CLTC: variants seen among roughly 807,000 people sequenced by gnomAD.
CLTC encodes clathrin heavy chain.
CLTC carries 16 observed loss-of-function variants against 195.8 expected under a neutral mutation model. The observed-to-expected ratio is 0.08, with a 90% confidence interval of 0.06 to 0.12. The LOEUF (loss-of-function observed/expected upper bound fraction) is 0.12, where lower values mean the gene tolerates loss of function less well. Among genes scored for constraint, CLTC ranks in the 10% least tolerant of loss-of-function variants. The pLI is 1.00. For synonymous variants in CLTC, 667 were observed against 689.4 expected, an observed-to-expected ratio of 0.97 and a Z score of 0.51; for missense variants, 796 against 2,027.0, an observed-to-expected ratio of 0.39 and a Z score of 11.66.
intron 1 of CLTC, among the ~76,000 whole-genome samples, chr17:59,640,961 A>G (rs1447410215): frequency 1.3e-5 from 2 of 151,552 alleles, no homozygotes; most frequent in Non-Finnish European, 2.9e-5. Context: ...TGTACTAAAA[A>G]TACAAAAATT....
intron 1 of CLTC, among the ~76,000 whole-genome samples, chr17:59,635,874 G>A (rs1440602011): frequency 6.6e-6 from 1 of 152,196 alleles, no homozygotes; most frequent in African/African-American, 2.4e-5. Context: ...TAAGGTTTGA[G>A]TATATAACAG....
In CLTC at chr17:59,682,016, C is replaced by G. The variant is rs544326527; in HGVS notation, c.3442+177C>G. On this transcript the variant is annotated intron_variant, in intron 21 of 31. Coordinates refer to ENST00000269122, the MANE Select transcript of CLTC (RefSeq NM_004859.4). This position sits in a 1 kb window ranked among gnomAD's most constrained non-coding sequence, Gnocchi z 6.8. ...TGAATTTGTAAGTTCACAAAACTTACAAGTGGGGAAGATGAATCTTCTGTT... is the reference window on the plus strand; with the variant it reads ...TGAATTTGTAAGTTCACAAAACTTAGAAGTGGGGAAGATGAATCTTCTGTT... Among the ~76,000 whole-genome samples, 36 of 152,266 alleles carry G rather than the reference C, an allele frequency of 2.4e-4. No individual in the cohort carries two copies. The highest frequency in any genetic ancestry group is 8.2e-4 in the African/African-American group (34 of 41,546).
intron 1 of CLTC, among the ~76,000 whole-genome samples, chr17:59,643,919 T>C (rs2032114716): frequency 6.6e-6 from 1 of 152,216 alleles, no homozygotes. Context: ...AACTGCTACA[T>C]GTTAAGGGGG....
chr17:59,654,402 T>A (rs548188924), intron 5 of CLTC, among the ~76,000 whole-genome samples: 6 of 152,136 alleles, frequency 3.9e-5, no homozygotes, highest in African/African-American at 1.4e-4. Context: ...GGTCTCGAAC[T>A]CCTGACCTCA....
At chr17:59,691,275 A>C (rs959699712) in intron 31 of CLTC, among the ~76,000 whole-genome samples, 1 of 152,214 alleles carries the variant, frequency 6.6e-6, no homozygotes, top group African/African-American at 2.4e-5. Flanking sequence ...TCATTTGAAC[A>C]ATCACTTTGA....
At position 59,694,473 on chromosome 17, in the gene CLTC, T is replaced by C. The variant is rs774895502; in HGVS notation, c.*621T>C. ...TATGCAGGTTTCCCCATTATGCATATAGAAAATGCTAGTATGTTTTGCTCA... is the reference window on the plus strand; with the variant it reads ...TATGCAGGTTTCCCCATTATGCATACAGAAAATGCTAGTATGTTTTGCTCA... On this transcript the variant is annotated 3_prime_UTR_variant, in exon 32 of 32. Transcript: ENST00000269122. The C allele has an allele frequency of 8.9e-6, 2 of 224,718 alleles. No homozygotes were observed. The highest frequency in any genetic ancestry group is 2.2e-5 in the African/African-American group (1 of 44,908). 13.9% of individuals were successfully genotyped at this position (224,718 alleles called of 1,614,324 possible).
chr17:59,691,323 CA>C (rs1414370800), intron 31 of CLTC, among the ~76,000 whole-genome samples: 2 of 152,046 alleles, frequency 1.3e-5, no homozygotes, highest in African/African-American at 2.4e-5. Context: ...GGTGAGGGAA[CA>C]TAAAAATATG....
Position 59,666,779 on chromosome 17 carries a change from A to T in CLTC, c.1948-18A>T. On this transcript the variant is annotated intron_variant, in intron 12 of 31. Coordinates refer to ENST00000269122, the MANE Select transcript of CLTC (RefSeq NM_004859.4). This position sits in a 1 kb window ranked among gnomAD's most constrained non-coding sequence, Gnocchi z 4.9. ...CATTATTTCATTTATTCATTCATTC[A>T]TTTATTTTGTCTTGTAGTGGTTAGT... 1 of 1,591,396 alleles carries T rather than the reference A, an allele frequency of 6.3e-7. No individual in the cohort carries two copies. Among genetic ancestry groups the T allele is most frequent in the Non-Finnish European group, 8.6e-7 (1 of 1,166,240 alleles).
Position 59,682,316 on chromosome 17 carries a change from A to G in CLTC, c.3488A>G (p.Lys1163Arg). 6.2e-7 allele frequency: 1 copy of G among 1,614,126 alleles called. No homozygotes were observed. Among genetic ancestry groups the G allele is most frequent in the Non-Finnish European group, 8.5e-7 (1 of 1,179,960 alleles). Residue 1163 changes from lysine (K) to arginine (R), a missense_variant, in exon 22 of 32, where the codon AAG becomes AGG. This residue lies in a region of CLTC where 50 missense variants were observed against 77.2 expected (regional missense o/e 0.65). Coordinates refer to ENST00000269122, the MANE Select transcript of CLTC (RefSeq NM_004859.4). This position sits in a 1 kb window ranked among gnomAD's most constrained non-coding sequence, Gnocchi z 6.8. ...AAGTACTTGCAGATGGCCCGTAAGAAGGCTCGAGAGTCCTATGTGGAGACA... is the reference window on the plus strand; with the variant it reads ...AAGTACTTGCAGATGGCCCGTAAGAGGGCTCGAGAGTCCTATGTGGAGACA... Reference protein sequence around the residue: ...LVKYLQMARKKARESYVETEL... With the variant: ...LVKYLQMARKRARESYVETEL...
At chr17:59,689,233 CAAATT>C (rs972684387) in intron 30 of CLTC, 1 of 152,124 alleles carries the variant, frequency 6.6e-6, no homozygotes, top group Non-Finnish European at 1.5e-5. Flanking sequence ...AGTTCCCTAA[CAAATT>C]AAGATGGATT....
At position 59,647,640 on chromosome 17, in the gene CLTC, T is replaced by C; in HGVS notation, c.493T>C (p.Leu165=). The change falls in exon 3 of 32, where the codon TTA becomes CTA. Residue 165 remains leucine (L), a synonymous_variant. Transcript: ENST00000269122. ...NYRTDAKQKW[L]LLTGISAQQN... Reference sequence around the variant, plus strand: ...CCGTACAGATGCAAAACAAAAGTGGTTACTTCTGACTGGTATATCTGCACA... The same window carrying C: ...CCGTACAGATGCAAAACAAAAGTGGCTACTTCTGACTGGTATATCTGCACA... 4.3e-6 allele frequency: 7 copies of C among 1,614,004 alleles called. No homozygotes were observed. Among genetic ancestry groups the C allele is most frequent in the Non-Finnish European group, 5.9e-6 (7 of 1,179,904 alleles).
At position 59,668,907 on chromosome 17, in the gene CLTC, C is replaced by T. The variant is rs1454289985; in HGVS notation, c.2259C>T (p.Cys753=). ...EVERICRESN[C]YDPERVKNFL... ...AAAGAATCTGTAGAGAAAGCAACTG[C>T]TACGATCCTGAGCGAGTCAAGAATT... The change falls in exon 14 of 32, where the codon TGC becomes TGT. Residue 753 remains cysteine, a synonymous_variant. Coordinates refer to ENST00000269122, the MANE Select transcript of CLTC (RefSeq NM_004859.4). The T allele has an allele frequency of 6.2e-7, 1 of 1,612,524 alleles. No homozygotes were observed. Among genetic ancestry groups the T allele is most frequent in the Non-Finnish European group, 8.5e-7 (1 of 1,179,484 alleles).
intron 1 of CLTC, among the ~76,000 whole-genome samples, chr17:59,638,549 C>T (rs2031937031): frequency 7.0e-6 from 1 of 143,764 alleles, no homozygotes; most frequent in Non-Finnish European, 1.5e-5. Context: ...AATTTTTCCA[C>T]CGGTTGGGGG....
Position 59,648,555 on chromosome 17 carries a change from G to A in CLTC, c.681+154G>A. On this transcript the variant is annotated intron_variant, in intron 4 of 31. Transcript: ENST00000269122. This position sits in a 1 kb window ranked among gnomAD's most constrained non-coding sequence, Gnocchi z 4.5. ...TTAATTTGTTCAAATTTTGCATCTA[G>A]TGATACTTGTCTAAAATGAATAATG... is the stretch of plus-strand genomic sequence containing the variant. 1.5e-6 allele frequency: 1 copy of A among 662,196 alleles called. No individual in the cohort carries two copies. The highest frequency in any genetic ancestry group is 2.6e-6 in the Non-Finnish European group (1 of 391,056). The allele number at this position is 662,196 out of a possible 1,614,324, so 41.0% of individuals were successfully genotyped here.
In CLTC at chr17:59,660,248, C is replaced by T; in HGVS notation, c.970-143C>T. 3 of 712,190 alleles carry T rather than the reference C, an allele frequency of 4.2e-6. No individual in the cohort carries two copies. The South Asian group carries it at 5.8e-5, about 14-fold the overall frequency. 44.1% of individuals were successfully genotyped at this position (712,190 alleles called of 1,614,324 possible). ...TTTTTCTCCTTGTCTTCCTTCCTTT[C>T]ATTATTTTTTAATGGCAGCAAGAAA... On this transcript the variant is annotated intron_variant, in intron 6 of 31. Transcript: ENST00000269122.
intron 1 of CLTC, among the ~76,000 whole-genome samples, chr17:59,620,847 C>A (rs1528492): frequency 3.3e-5 from 5 of 151,852 alleles, no homozygotes; most frequent in African/African-American, 9.7e-5. Context: ...AGAGTGTGTG[C>A]GGTCAAACTC....
intron 1 of CLTC, among the ~76,000 whole-genome samples, chr17:59,632,633 ACT>A (rs2031757805): frequency 6.6e-6 from 1 of 152,042 alleles, no homozygotes; most frequent in South Asian, 2.1e-4. Flanking sequence ...ACAGAGCGAG[ACT>A]CTGTCTCAAA....
chr17:59,673,101 T>G (rs1267610598), intron 14 of CLTC, among the ~76,000 whole-genome samples: 1 of 9,786 alleles, frequency 1.0e-4, no homozygotes, highest in Non-Finnish European at 5.2e-4. Flanking sequence ...AATGCTGGGT[T>G]TTTTTTTTTG....
chr17:59,652,481 T>A (rs1336840093), intron 5 of CLTC, among the ~76,000 whole-genome samples: 1 of 152,236 alleles, frequency 6.6e-6, no homozygotes, highest in Non-Finnish European at 1.5e-5. Context: ...CAAAATTACT[T>A]CTTTGGTCCA....
Sources: allele counts gnomAD v4.1 joint callset (sites outside exome capture counted in the v4.1 genomes callset), GRCh38; gene constraint gnomAD v4.1.1; regional missense constraint gnomAD v4.1.1; non-coding constraint Gnocchi (gnomAD v3.1); transcripts MANE v1.5; gene names NCBI Gene and HGNC (gene_info 2026-07-23, HGNC 2026-07-21).